Variants in KHDRBS2 observed in about 807,000 individuals in gnomAD.
KHDRBS2 encodes the protein KH RNA binding domain containing, signal transduction associated 2, also known as KH domain-containing, RNA-binding, signal transduction-associated protein 2.
A neutral mutation model predicts 44.3 loss-of-function variants in KHDRBS2; 26 were observed. The observed-to-expected ratio is 0.59, with a 90% CI of 0.43 to 0.81. The LOEUF is 0.81. Ranked by LOEUF, KHDRBS2 falls within the 40% of genes least tolerant of loss-of-function variation. KHDRBS2 has a pLI of 0.00. For synonymous variants in KHDRBS2, 194 were observed against 151.1 expected (o/e 1.28, Z -2.08); for missense variants, 476 against 433.1 (o/e 1.10, Z -0.88).
At chr6:61,996,628 C>T (rs1777213547) in intron 3 of KHDRBS2, among the ~76,000 whole-genome samples, 1 of 152,172 alleles carries the variant, frequency 6.6e-6, no homozygotes, top group African/African-American at 2.4e-5. Flanking sequence ...TTCAGGCACT[C>T]TGATTTATCA....
chr6:62,060,427 T>C (rs1173044971), intron 2 of KHDRBS2, among the ~76,000 whole-genome samples: 1 of 151,678 alleles, frequency 6.6e-6, no homozygotes, highest in Non-Finnish European at 1.5e-5. Flanking sequence ...GAAACCAACA[T>C]GACAGCAAAG....
chr6:61,886,592 T>A (rs1043296835), intron 6 of KHDRBS2, among the ~76,000 whole-genome samples: 2 of 152,196 alleles, frequency 1.3e-5, no homozygotes, highest in Non-Finnish European at 2.9e-5. Context: ...CGTGTGCATA[T>A]GTATAACCTT....
chr6:61,652,789 C>G, the KHDRBS2 span, among the ~76,000 whole-genome samples: 1 of 152,020 alleles, frequency 6.6e-6, no homozygotes, highest in South Asian at 2.1e-4. Flanking sequence ...GCCATGGGCA[C>G]AGAGTGAGCA....
At chr6:61,972,760 C>T (rs1771693813) in intron 4 of KHDRBS2, among the ~76,000 whole-genome samples, 1 of 152,194 alleles carries the variant, frequency 6.6e-6, no homozygotes, top group South Asian at 2.1e-4. Context: ...TCTGCCATCT[C>T]TCACCTTTTA....
At chr6:61,570,487 A>ACTT in the KHDRBS2 span, among the ~76,000 whole-genome samples, 3 of 152,056 alleles carry the variant, frequency 2.0e-5, no homozygotes, top group Admixed American at 6.6e-5. Context: ...AGTTTGAAAA[A>ACTT]CTTATTTGAG....
intron 1 of KHDRBS2, among the ~76,000 whole-genome samples, chr6:62,272,755 G>A (rs1263026693): frequency 6.6e-6 from 1 of 152,144 alleles, no homozygotes; most frequent in Admixed American, 6.5e-5. Context: ...AGGATTCCAA[G>A]AACAGTCCTA....
At chr6:61,840,637 A>T (rs1246351744) in intron 6 of KHDRBS2, among the ~76,000 whole-genome samples, 1 of 152,130 alleles carries the variant, frequency 6.6e-6, no homozygotes, top group Non-Finnish European at 1.5e-5. Flanking sequence ...AGGGACAGTG[A>T]CATTTCTCAT....
intron 6 of KHDRBS2, among the ~76,000 whole-genome samples, chr6:61,828,569 ATAT>A (rs1791298622): frequency 6.6e-6 from 1 of 152,194 alleles, no homozygotes; most frequent in Admixed American, 6.5e-5. Flanking sequence ...TCATTAAAAG[ATAT>A]TATTCTTTAA....
chr6:61,930,676 G>A (rs753665292), intron 4 of KHDRBS2, among the ~76,000 whole-genome samples: 8 of 150,230 alleles, frequency 5.3e-5, no homozygotes, highest in African/African-American at 9.8e-5. Context: ...CAGCCTGGGC[G>A]ACAGAGTGAG....
intron 6 of KHDRBS2, among the ~76,000 whole-genome samples, chr6:61,799,496 G>C (rs1309703780): frequency 2.0e-5 from 3 of 151,920 alleles, no homozygotes; most frequent in Non-Finnish European, 2.9e-5. Flanking sequence ...TGTCTTAAGA[G>C]TTTCTAATAG....
chr6:61,879,938 G>A (rs765851777), intron 6 of KHDRBS2, among the ~76,000 whole-genome samples: 2 of 151,830 alleles, frequency 1.3e-5, no homozygotes, highest in Non-Finnish European at 2.9e-5. Context: ...AGAGATTGAT[G>A]TTTTTAAACA....
At chr6:61,664,215 T>C in the KHDRBS2 span, among the ~76,000 whole-genome samples, 1 of 151,764 alleles carries the variant, frequency 6.6e-6, no homozygotes, top group Admixed American at 6.6e-5. Flanking sequence ...CACCCTTCCT[T>C]GGGTAGAAGT....
chr6:62,138,061 T>A (rs551091292), intron 2 of KHDRBS2, among the ~76,000 whole-genome samples: 1 of 152,230 alleles, frequency 6.6e-6, no homozygotes, highest in Non-Finnish European at 1.5e-5. Context: ...GGATTTTAAC[T>A]GACGTGTGGG....
At chr6:62,252,481 TG>T (rs1836711097) in intron 1 of KHDRBS2, among the ~76,000 whole-genome samples, 1 of 151,950 alleles carries the variant, frequency 6.6e-6, no homozygotes, top group South Asian at 2.1e-4. Context: ...TTATAGATAT[TG>T]GATTTTTTTT....
chr6:61,548,928 A>T, the KHDRBS2 span, among the ~76,000 whole-genome samples: 1 of 152,176 alleles, frequency 6.6e-6, no homozygotes, highest in African/African-American at 2.4e-5. Context: ...ATAAATAGTT[A>T]CGTCAGTTTG....
At chr6:61,573,650 G>GTGGT in the KHDRBS2 span, among the ~76,000 whole-genome samples, 1 of 152,064 alleles carries the variant, frequency 6.6e-6, no homozygotes, top group Admixed American at 6.6e-5. Flanking sequence ...TTAGCCTGCT[G>GTGGT]TGGTGATGCA....
At chr6:62,111,782 T>G (rs1477454989) in intron 2 of KHDRBS2, among the ~76,000 whole-genome samples, 1 of 151,974 alleles carries the variant, frequency 6.6e-6, no homozygotes, top group African/African-American at 2.4e-5. Context: ...CATATGAGGC[T>G]GAGGTGAAAG....
At chr6:61,908,374 C>T (rs1264358262) in intron 4 of KHDRBS2, among the ~76,000 whole-genome samples, 2 of 152,046 alleles carry the variant, frequency 1.3e-5, no homozygotes, top group Non-Finnish European at 2.9e-5. Context: ...GTGGCTCATA[C>T]TTGTAATCCC....
At chr6:61,674,156 A>T in the KHDRBS2 span, among the ~76,000 whole-genome samples, 2 of 151,780 alleles carry the variant, frequency 1.3e-5, no homozygotes, top group Admixed American at 1.3e-4. Context: ...CTTTGTGGCA[A>T]GTGTGGAATA....
Sources: allele counts gnomAD v4.1 joint callset (sites outside exome capture counted in the v4.1 genomes callset), GRCh38; gene constraint gnomAD v4.1.1; transcripts MANE v1.5; gene names NCBI Gene and HGNC (gene_info 2026-07-23, HGNC 2026-07-21).